Variants in NKAIN3 observed in about 807,000 individuals in gnomAD.
NKAIN3 encodes sodium/potassium-transporting ATPase subunit beta-1-interacting protein 3.
NKAIN3 carries 25 observed loss-of-function variants against 30.2 expected under a neutral mutation model. The observed-to-expected ratio is 0.83, with a 90% CI of 0.60 to 1.16. The LOEUF is 1.16. Among genes scored for constraint, NKAIN3 ranks in the 50% most tolerant of loss-of-function variants. The pLI is 0.00. For synonymous variants in NKAIN3, 91 were observed against 89.6 expected (o/e 1.02, Z -0.09); for missense variants, 225 against 254.1 (o/e 0.89, Z 0.78).
intron 4 of NKAIN3, among the ~76,000 whole-genome samples, chr8:62,876,534 T>C (rs1820798353): frequency 1.3e-5 from 2 of 152,150 alleles, no homozygotes; most frequent in African/African-American, 4.8e-5. Context: ...TGCAGCACTA[T>C]TTACAATAGC....
intron 3 of NKAIN3, among the ~76,000 whole-genome samples, chr8:62,646,655 T>C (rs1410378221): frequency 6.6e-6 from 1 of 152,176 alleles, no homozygotes; most frequent in African/African-American, 2.4e-5. Context: ...TTTTCATTCA[T>C]AATATGAGCC....
At chr8:62,694,096 A>T (rs1211896996) in intron 3 of NKAIN3, among the ~76,000 whole-genome samples, 2 of 152,174 alleles carry the variant, frequency 1.3e-5, no homozygotes, top group Non-Finnish European at 2.9e-5. Flanking sequence ...GAACATTCCA[A>T]ATCTTCTAGC....
In NKAIN3 at chr8:62,267,935, G is replaced by A. The variant is rs117812303; in HGVS notation, c.54+18808G>A. ...GGCTGGTCATTTATTCTAGGAATTT[G>A]TTTTTATTGTATTTTACAATAGTTT... On this transcript the variant is annotated intron_variant, in intron 1 of 6. Transcript: ENST00000623646. 9.6e-3 allele frequency among the ~76,000 whole-genome samples: 1,463 copies of A among 152,210 alleles called. 15 individuals are homozygous for A. The highest frequency in any genetic ancestry group is 0.016 in the Non-Finnish European group (1,121 of 67,986).
chr8:62,341,321 A>G (rs1467178827), intron 1 of NKAIN3, among the ~76,000 whole-genome samples: 1 of 152,100 alleles, frequency 6.6e-6, no homozygotes, highest in Non-Finnish European at 1.5e-5. Context: ...AGAAGGTGAT[A>G]TGAGTTCCCA....
intron 3 of NKAIN3, among the ~76,000 whole-genome samples, chr8:62,619,116 T>C (rs1811548315): frequency 6.6e-6 from 1 of 152,164 alleles, no homozygotes; most frequent in Non-Finnish European, 1.5e-5. Flanking sequence ...TGATTTCGTG[T>C]AAAGATGCAA....
At position 62,888,401 on chromosome 8, in the gene NKAIN3, G is replaced by A. The variant is rs115817441; in HGVS notation, c.472-30052G>A. On this transcript the variant is annotated intron_variant, in intron 4 of 6. Transcript: ENST00000623646. ...AATAAAACTTACAAAAATGTGTGGG[G>A]TCCTCATTTTTTAACTTTCAAATGG... Among the ~76,000 whole-genome samples, 1,045 of 152,248 alleles carry A rather than the reference G, an allele frequency of 6.9e-3. 10 individuals are homozygous for A. Among genetic ancestry groups the A allele is most frequent in the African/African-American group, 0.017 (707 of 41,532 alleles).
intron 1 of NKAIN3, among the ~76,000 whole-genome samples, chr8:62,253,656 C>T (rs959832729): frequency 8.5e-5 from 13 of 152,276 alleles, no homozygotes; most frequent in Middle Eastern, 6.8e-3. Context: ...ACAGTGGAAA[C>T]GAAGTTTAGT....
At chr8:62,434,731 C>T (rs1478222628) in intron 1 of NKAIN3, among the ~76,000 whole-genome samples, 1 of 152,128 alleles carries the variant, frequency 6.6e-6, no homozygotes, top group Admixed American at 6.6e-5. Flanking sequence ...AGGCACACAT[C>T]CTGCATATGT....
intron 4 of NKAIN3, among the ~76,000 whole-genome samples, chr8:62,881,293 G>T (rs1224992914): frequency 1.3e-5 from 2 of 152,152 alleles, no homozygotes; most frequent in African/African-American, 4.8e-5. Context: ...CTATTCATCT[G>T]TTCCTCCCTA....
chr8:62,979,789 A>C lies in NKAIN3; in HGVS notation c.*14382A>C, dbSNP rs757756527. 8 of 152,346 alleles carry C rather than the reference A, an allele frequency of 5.3e-5. No homozygotes were observed. The South Asian group carries it at 1.7e-3, about 32-fold the overall frequency. 9.4% of individuals were successfully genotyped at this position (152,346 alleles called of 1,614,324 possible). ...CAGCTGTAACAAGTCCTGACTAGACAAGGGCTTTGTTGTTGACTACAATTC... is the reference window on the plus strand; with the variant it reads ...CAGCTGTAACAAGTCCTGACTAGACCAGGGCTTTGTTGTTGACTACAATTC... On this transcript the variant is annotated 3_prime_UTR_variant, in exon 7 of 7. Coordinates refer to ENST00000623646, the MANE Select transcript of NKAIN3 (RefSeq NM_001304533.3).
At chr8:62,692,468 A>G (rs11989310) in intron 3 of NKAIN3, among the ~76,000 whole-genome samples, 37,740 of 152,012 alleles carry the variant, frequency 0.25, 5,501 homozygotes, top group African/African-American at 0.39. Context: ...AGAACACTCA[A>G]GATTTATGAG....
At chr8:62,693,433 G>A (rs1444066429) in intron 3 of NKAIN3, among the ~76,000 whole-genome samples, 1 of 152,120 alleles carries the variant, frequency 6.6e-6, no homozygotes, top group Admixed American at 6.5e-5. Context: ...GTTTTCATGT[G>A]ACTTGCAGTC....
intron 1 of NKAIN3, among the ~76,000 whole-genome samples, chr8:62,491,598 G>A (rs1807068538): frequency 6.6e-6 from 1 of 152,120 alleles, no homozygotes; most frequent in Non-Finnish European, 1.5e-5. Flanking sequence ...GCAATTCACT[G>A]TAGCCTGAAT....
intron 3 of NKAIN3, among the ~76,000 whole-genome samples, chr8:62,700,249 TCA>T (rs1814290953): frequency 1.3e-5 from 2 of 152,314 alleles, no homozygotes; most frequent in South Asian, 4.1e-4. Flanking sequence ...AAGAAATCTC[TCA>T]GACAATTTTG....
rs556804392 is a variant in NKAIN3, at chr8:62,622,922, C to T, written c.273+33128C>T. On this transcript the variant is annotated intron_variant, in intron 3 of 6. Transcript: ENST00000623646. ...ATGTTTTATATTTAAGTCCATGATC[C>T]ATTTTGAGTTAATTAATTAAATTGT... Among the ~76,000 whole-genome samples, 5 of 151,804 alleles carry T rather than the reference C, an allele frequency of 3.3e-5. No individual in the cohort carries two copies. The South Asian group carries it at 1.0e-3, about 32-fold the overall frequency.
intron 4 of NKAIN3, among the ~76,000 whole-genome samples, chr8:62,766,241 C>T (rs1474688828): frequency 6.6e-5 from 10 of 152,252 alleles, no homozygotes; most frequent in East Asian, 1.9e-4. Flanking sequence ...AATCAAGTAA[C>T]GTAATAACTA....
chr8:62,874,305 C>T (rs187822450), intron 4 of NKAIN3, among the ~76,000 whole-genome samples: 1 of 152,118 alleles, frequency 6.6e-6, no homozygotes, highest in African/African-American at 2.4e-5. Flanking sequence ...CCTGAGTAGA[C>T]CAATAACAAG....
chr8:62,513,221 A>T (rs1254849149), intron 1 of NKAIN3, among the ~76,000 whole-genome samples: 1 of 151,820 alleles, frequency 6.6e-6, no homozygotes, highest in Non-Finnish European at 1.5e-5. Context: ...AGTGTAATGC[A>T]TTGTGATAAA....
intron 3 of NKAIN3, among the ~76,000 whole-genome samples, chr8:62,704,584 G>A (rs1814457981): frequency 6.6e-6 from 1 of 152,114 alleles, no homozygotes; most frequent in African/African-American, 2.4e-5. Flanking sequence ...AATACGTGCT[G>A]TGAGTCTTAT....
Sources: gnomAD v4.1 joint callset for allele counts (sites outside exome capture counted in the v4.1 genomes callset) on GRCh38, gnomAD v4.1.1 for gene constraint, MANE v1.5 for transcripts, NCBI Gene and HGNC (gene_info 2026-07-23, HGNC 2026-07-21) for gene names.